KAZN: variants seen among roughly 807,000 people sequenced by gnomAD.
KAZN encodes the protein kazrin.
In KAZN, 40 loss-of-function variants were observed where a neutral mutation model predicts 87.4. The ratio of observed to expected loss-of-function variants is 0.46; its 90% confidence interval spans 0.36 to 0.60. The LOEUF (loss-of-function observed/expected upper bound fraction) is 0.60. KAZN is among the 20% of genes least tolerant of loss of function. The pLI, the probability that KAZN is intolerant of heterozygous loss-of-function variation, is 0.00. For synonymous variants in KAZN, 466 were observed against 458.3 expected, an observed-to-expected ratio of 1.02 and a Z score of -0.22; for missense variants, 898 against 1,073.9, an observed-to-expected ratio of 0.84 and a Z score of 2.29.
At chr1:13,962,277 G>A (rs931920047) in intron 1 of KAZN, among the ~76,000 whole-genome samples, 8 of 152,088 alleles carry the variant, frequency 5.3e-5, no homozygotes, top group African/African-American at 1.9e-4. Flanking sequence ...CAGGAGGTGA[G>A]GCCAGAGAGT....
chr1:14,540,489 T>C (rs1219596051), intron 2 of KAZN, among the ~76,000 whole-genome samples: 1 of 152,114 alleles, frequency 6.6e-6, no homozygotes, highest in African/African-American at 2.4e-5. Context: ...GATGCAACCA[T>C]GGTGAACAAG....
intron 2 of KAZN, among the ~76,000 whole-genome samples, chr1:14,330,808 G>T (rs1173901550): frequency 6.6e-6 from 1 of 152,170 alleles, no homozygotes; most frequent in African/African-American, 2.4e-5. Context: ...GAACACTATG[G>T]AACCATTGCA....
At chr1:14,417,536 A>G (rs1557705231) in intron 2 of KAZN, among the ~76,000 whole-genome samples, 2 of 152,162 alleles carry the variant, frequency 1.3e-5, no homozygotes, top group Non-Finnish European at 2.9e-5. Flanking sequence ...TCAAATGACA[A>G]TCACTGAAGT....
intron 2 of KAZN, among the ~76,000 whole-genome samples, chr1:14,249,790 A>C (rs1013898636): frequency 1.3e-5 from 2 of 152,154 alleles, no homozygotes; most frequent in Non-Finnish European, 2.9e-5. Flanking sequence ...AGCCAGAAAC[A>C]GTGTCTATGA....
intron 1 of KAZN, among the ~76,000 whole-genome samples, chr1:14,849,184 TTGCACAGTGTCTGG>T (rs1280894466): frequency 6.6e-6 from 1 of 152,146 alleles, no homozygotes; most frequent in Non-Finnish European, 1.5e-5. Context: ...TGCCAGGGTG[TTGCACAGTGTCTGG>T]TGCACACTGG....
chr1:13,894,349 C>T (rs767456325), intron 1 of KAZN, among the ~76,000 whole-genome samples: 2 of 151,840 alleles, frequency 1.3e-5, no homozygotes, highest in African/African-American at 2.4e-5. Context: ...GCATGGGCTG[C>T]GGGCCTTATA....
chr1:13,981,485 C>T (rs1489221558), intron 1 of KAZN, among the ~76,000 whole-genome samples: 4 of 152,034 alleles, frequency 2.6e-5, no homozygotes, highest in African/African-American at 9.7e-5. Context: ...GAATACTAGA[C>T]CTGCCTCTCA....
intron 1 of KAZN, among the ~76,000 whole-genome samples, chr1:14,943,656 G>T (rs1255814789): frequency 6.6e-6 from 1 of 152,288 alleles, no homozygotes; most frequent in Non-Finnish European, 1.5e-5. Context: ...GAGTCACGGA[G>T]AGGTGAGGTG....
intron 1 of KAZN, among the ~76,000 whole-genome samples, chr1:14,950,222 C>A (rs146405234): frequency 6.6e-6 from 1 of 152,002 alleles, no homozygotes; most frequent in African/African-American, 2.4e-5. Context: ...CCCATCACCC[C>A]CTACCGAGTG....
intron 1 of KAZN, among the ~76,000 whole-genome samples, chr1:14,841,606 T>C (rs1344191567): frequency 1.3e-5 from 2 of 152,098 alleles, no homozygotes; most frequent in African/African-American, 2.4e-5. Context: ...TAGGGCTAGA[T>C]ACACCCCTCC....
intron 1 of KAZN, among the ~76,000 whole-genome samples, chr1:14,738,766 G>A (rs970142011): frequency 1.4e-4 from 22 of 152,156 alleles, no homozygotes; most frequent in Non-Finnish European, 2.9e-4. Flanking sequence ...AAAAATCCCC[G>A]TGAAGTGAGG....
At chr1:15,104,315 C>A in intron 13 of KAZN, 126 bp downstream of exon 13, 1 of 981,750 alleles carries the variant, frequency 1.0e-6, no homozygotes, top group Non-Finnish European at 1.5e-6. Flanking sequence ...TTCTTTGCAC[C>A]ATGGTGGTCA....
intron 2 of KAZN, among the ~76,000 whole-genome samples, chr1:14,348,748 G>A (rs1658300141): frequency 6.6e-6 from 1 of 152,200 alleles, no homozygotes; most frequent in African/African-American, 2.4e-5. Flanking sequence ...AAAGCCATGA[G>A]AATCAGGATG....
intron 1 of KAZN, among the ~76,000 whole-genome samples, chr1:14,024,961 G>T (rs910879248): frequency 6.6e-6 from 1 of 152,200 alleles, no homozygotes; most frequent in African/African-American, 2.4e-5. Flanking sequence ...GTATTAGAAA[G>T]TATCCCAATG....
At chr1:14,172,392 C>CT (rs1168154394) in intron 1 of KAZN, among the ~76,000 whole-genome samples, 1 of 152,070 alleles carries the variant, frequency 6.6e-6, no homozygotes, top group Non-Finnish European at 1.5e-5. Flanking sequence ...TTTATTTGTT[C>CT]TTTTTTTGCC....
intron 2 of KAZN, among the ~76,000 whole-genome samples, chr1:14,246,486 T>G (rs916522021): frequency 2.1e-5 from 3 of 145,126 alleles, no homozygotes; most frequent in African/African-American, 7.3e-5. Context: ...TTTTTTCATA[T>G]AATCTTTTTA....
intron 2 of KAZN, among the ~76,000 whole-genome samples, chr1:14,368,849 G>A (rs1660225336): frequency 6.6e-6 from 1 of 152,236 alleles, no homozygotes; most frequent in Non-Finnish European, 1.5e-5. Flanking sequence ...TGGCCAGGTA[G>A]AGAGGTACTG....
rs1006902945 is a variant in KAZN at position 14,877,137 on chromosome 1, G to A, written c.227-83547G>A. On this transcript the variant is annotated intron_variant, in intron 1 of 14. Transcript: ENST00000376030. ...ATGACTGGCTCCAGGAGCTCAAGGG[G>A]TGTTCCCCGCACTCTCTCGGACTCT... is the stretch of plus-strand genomic sequence containing the variant. Among the ~76,000 whole-genome samples, 2 of 152,184 alleles carry A rather than the reference G, an allele frequency of 1.3e-5. 1 individual carries two copies. The highest frequency in any genetic ancestry group is 4.8e-5 in the African/African-American group (2 of 41,446).
At chr1:13,956,719 T>TG (rs2101012446) in intron 1 of KAZN, among the ~76,000 whole-genome samples, 1 of 152,230 alleles carries the variant, frequency 6.6e-6, no homozygotes, top group African/African-American at 2.4e-5. Context: ...ATTTTGTTGT[T>TG]GGGAAAAAAT....
Sources: allele counts gnomAD v4.1 joint callset (sites outside exome capture counted in the v4.1 genomes callset), GRCh38; gene constraint gnomAD v4.1.1; transcripts MANE v1.5; gene names NCBI Gene and HGNC (gene_info 2026-07-23, HGNC 2026-07-21).